ALS2: variants seen among roughly 807,000 people sequenced by gnomAD.
The protein encoded by ALS2 is alsin Rho guanine nucleotide exchange factor ALS2, also known as alsin.
ALS2 carries 117 observed loss-of-function variants against 203.4 expected under a neutral mutation model. That is an observed-to-expected ratio of 0.58 (90% confidence interval 0.50 to 0.67). ALS2 has a LOEUF of 0.67. Among genes scored for constraint, ALS2 ranks in the 30% least tolerant of loss-of-function variants. The probability of loss-of-function intolerance (pLI) is 0.00; values close to 1 mark genes in which losing one functional copy is unlikely to be tolerated. For missense variants in ALS2, 1,715 were observed against 1,989.4 expected, an observed-to-expected ratio of 0.86 and a Z score of 2.62; for synonymous variants, 718 against 725.9, an observed-to-expected ratio of 0.99 and a Z score of 0.17.
At chr2:201,772,551 T>C (rs2106111746) in intron 1 of ALS2, among the ~76,000 whole-genome samples, 1 of 152,314 alleles carries the variant, frequency 6.6e-6, no homozygotes. Context: ...TCAGTATGAA[T>C]AGGGCAGCAC....
At chr2:201,773,450 TG>T (rs1694506882) in intron 1 of ALS2, among the ~76,000 whole-genome samples, 1 of 152,104 alleles carries the variant, frequency 6.6e-6, no homozygotes, top group Non-Finnish European at 1.5e-5. Flanking sequence ...GTATCAGAAA[TG>T]ATCCCTGGTT....
At chr2:201,705,584 G>A in intron 29 of ALS2, 123 bp from the exon 30 acceptor site, 1 of 720,184 alleles carries the variant, frequency 1.4e-6, no homozygotes, top group Non-Finnish European at 2.4e-6. Context: ...TCCACAATAG[G>A]TTAAGTTTTT....
intron 4 of ALS2, chr2:201,759,823 G>C (rs1693649487): frequency 2.0e-6 from 2 of 985,004 alleles, no homozygotes; most frequent in Admixed American, 6.1e-5. Context: ...CTGCAGGACA[G>C]ATCTTTTATG....
chr2:201,706,034 T>C (rs1027264136), intron 29 of ALS2, among the ~76,000 whole-genome samples: 1 of 152,044 alleles, frequency 6.6e-6, no homozygotes, highest in Non-Finnish European at 1.5e-5. Flanking sequence ...ATCACTGCCC[T>C]AGAAAGAAAA....
At chr2:201,727,300 A>G (rs752212234) in intron 16 of ALS2, 22 bp from the exon 17 acceptor site, 1 of 1,587,238 alleles carries the variant, frequency 6.3e-7, no homozygotes, top group Non-Finnish European at 8.7e-7. Flanking sequence ...ACAAGGATAA[A>G]TACCAGGACA....
At chr2:201,749,200 A>T (rs1692865911) in intron 8 of ALS2, among the ~76,000 whole-genome samples, 2 of 142,864 alleles carry the variant, frequency 1.4e-5, no homozygotes, top group South Asian at 2.3e-4. Flanking sequence ...CATAAACTAA[A>T]ACCAATCCAT....
In ALS2 at chr2:201,707,997, G is replaced by A; in HGVS notation, c.4281-6C>T. On this transcript the variant is annotated splice_polypyrimidine_tract_variant and splice_region_variant and intron_variant, in intron 27 of 33. Coordinates refer to ENST00000264276, the MANE Select transcript of ALS2 (RefSeq NM_020919.4). The stretch of plus-strand genomic sequence containing the variant: ...GCAGCTCAGGAAATAAGAACCTAAG[G>A]AAGAATAAAAAATATAATTATACAA... The A allele has an allele frequency of 6.2e-7, 1 of 1,609,970 alleles. No homozygotes were observed. Among genetic ancestry groups the A allele is most frequent in the Non-Finnish European group, 8.5e-7 (1 of 1,177,426 alleles).
At position 201,721,308 on chromosome 2, in the gene ALS2, G is replaced by A. The variant is rs529364782; in HGVS notation, c.3702+1735C>T. Among the ~76,000 whole-genome samples the A allele has an allele frequency of 2.6e-5, 4 of 152,274 alleles. No homozygotes were observed. In the East Asian group the frequency reaches 5.8e-4, roughly 22 times the overall value. ...AAGGTTTATTGCAGAATCTTGATAA[G>A]CCAGTCCTAAAATTTATATGAAAAG... On this transcript the variant is annotated intron_variant, in intron 23 of 33. Coordinates refer to ENST00000264276, the MANE Select transcript of ALS2 (RefSeq NM_020919.4).
chr2:201,742,293 C>CT (rs1187009060), intron 10 of ALS2, among the ~76,000 whole-genome samples: 2 of 152,196 alleles, frequency 1.3e-5, no homozygotes, highest in Non-Finnish European at 2.9e-5. Flanking sequence ...ACATTTTCAG[C>CT]TTTTTTGTTC....
At position 201,761,836 on chromosome 2, in the gene ALS2, G is replaced by GA; in HGVS notation, c.176-19dup. 3 of 1,586,220 alleles carry GA rather than the reference G, an allele frequency of 1.9e-6. No individual in the cohort carries two copies. Among genetic ancestry groups the GA allele is most frequent in the South Asian group, 1.2e-5 (1 of 86,224 alleles). On this transcript the variant is annotated intron_variant, in intron 3 of 33. Coordinates refer to ENST00000264276, the MANE Select transcript of ALS2 (RefSeq NM_020919.4). ...CTCACCATCTGAAGGTTAAAAAAAA[G>GA]AAAAAAGAAAAAAAAAAGGGTTAGT...
At chr2:201,723,017 A>G in intron 23 of ALS2, 26 bp downstream of exon 23, 1 of 1,509,432 alleles carries the variant, frequency 6.6e-7, no homozygotes, top group East Asian at 2.3e-5. Flanking sequence ...TATTAGGGAG[A>G]AAAAAAAAGA....
intron 4 of ALS2, chr2:201,760,447 G>A: frequency 3.0e-6 from 3 of 992,796 alleles, no homozygotes; most frequent in Non-Finnish European, 3.6e-6. Context: ...TGAAGGATCT[G>A]CCACAAAACA....
chr2:201,708,131 T>C, intron 27 of ALS2, 140 bp from the exon 28 acceptor site: 3 of 720,562 alleles, frequency 4.2e-6, no homozygotes, highest in Admixed American at 2.4e-5. Flanking sequence ...CTGATGTTTC[T>C]AACAGGATAA....
At chr2:201,776,824 G>A (rs1694681239) in intron 1 of ALS2, among the ~76,000 whole-genome samples, 3 of 152,094 alleles carry the variant, frequency 2.0e-5, no homozygotes, top group Admixed American at 2.0e-4. Context: ...CTTTAATAGT[G>A]CTAGTAGCAG....
intron 12 of ALS2, among the ~76,000 whole-genome samples, chr2:201,736,191 T>C (rs1691866614): frequency 6.6e-6 from 1 of 152,082 alleles, no homozygotes; most frequent in Non-Finnish European, 1.5e-5. Context: ...ATAAGAAATA[T>C]ATCAAAACAA....
intron 7 of ALS2, among the ~76,000 whole-genome samples, chr2:201,752,364 T>C (rs1351241489): frequency 1.3e-5 from 2 of 152,180 alleles, no homozygotes; most frequent in African/African-American, 2.4e-5. Flanking sequence ...TTTTATTATA[T>C]GTATATAATA....
intron 1 of ALS2, among the ~76,000 whole-genome samples, chr2:201,780,553 C>T (rs984077634): frequency 3.3e-5 from 5 of 152,138 alleles, no homozygotes; most frequent in African/African-American, 1.2e-4. Flanking sequence ...TGGGTGGAGG[C>T]GGGAAGAGGG....
Position 201,704,600 on chromosome 2 carries a change from T to C in ALS2, c.4692A>G (p.Thr1564=), listed in dbSNP as rs532630245. 7 of 1,614,138 alleles carry C rather than the reference T, an allele frequency of 4.3e-6. No individual in the cohort carries two copies. The South Asian group carries it at 7.7e-5, about 18-fold the overall frequency. ...SAVECLQQIS[T]TFTPSDKLKV... ...TAAGTTTGTCTGATGGGGTAAATGT[T>C]GTGCTGTTACAGAAACAATGACAAA... Residue 1564 remains threonine (T), a synonymous_variant, in exon 32 of 34, where the codon ACA becomes ACG. Transcript: ENST00000264276.
chr2:201,726,885 G>A lies in ALS2; in HGVS notation c.2980-19C>T, dbSNP rs1691205235. 3 of 1,605,784 alleles carry A rather than the reference G, an allele frequency of 1.9e-6. No individual in the cohort carries two copies. The highest frequency in any genetic ancestry group is 2.6e-6 in the Non-Finnish European group (3 of 1,173,908). On this transcript the variant is annotated intron_variant, in intron 17 of 33. Transcript: ENST00000264276. ...ACTTTGTCTAGGAGCAAAAAGTAACGTCAATAAGTTTAAGGCAACAATTCA... is the reference window on the plus strand; with the variant it reads ...ACTTTGTCTAGGAGCAAAAAGTAACATCAATAAGTTTAAGGCAACAATTCA...
Sources: gnomAD v4.1 joint callset for allele counts (sites outside exome capture counted in the v4.1 genomes callset) on GRCh38, gnomAD v4.1.1 for gene constraint, MANE v1.5 for transcripts, NCBI Gene and HGNC (gene_info 2026-07-23, HGNC 2026-07-21) for gene names.